The following CABIN1 variants were observed in gnomAD, a reference collection of about 807,000 sequenced individuals.
The protein encoded by CABIN1 is calcineurin-binding protein cabin-1.
A neutral mutation model predicts 227.7 loss-of-function variants in CABIN1; 133 were observed. The ratio of observed to expected loss-of-function variants is 0.58; its 90% CI spans 0.51 to 0.67. The LOEUF is 0.67. CABIN1 is among the 30% of genes least tolerant of loss of function. The pLI, the probability that CABIN1 is intolerant of heterozygous loss-of-function variation, is 0.00. For missense variants in CABIN1, 2,408 were observed against 2,852.5 expected, an observed-to-expected ratio of 0.84 and a Z score of 3.55; for synonymous variants, 1,086 against 1,155.1, an observed-to-expected ratio of 0.94 and a Z score of 1.21.
At chr22:24,057,990 T>C (rs2038927278) in intron 10 of CABIN1, among the ~76,000 whole-genome samples, 2 of 152,176 alleles carry the variant, frequency 1.3e-5, no homozygotes, top group Admixed American at 1.3e-4. Flanking sequence ...TTAATCTTCA[T>C]TTTAGTTGTT....
intron 15 of CABIN1, among the ~76,000 whole-genome samples, chr22:24,065,539 G>A (rs1323982504): frequency 2.6e-5 from 4 of 151,506 alleles, no homozygotes; most frequent in African/African-American, 9.7e-5. Context: ...CCAGGCAGAG[G>A]GGCTCCTCAC....
chr22:24,066,990 G>A lies in CABIN1; in HGVS notation c.2041G>A (p.Asp681Asn), dbSNP rs771922098. The A allele has an allele frequency of 6.2e-7, 1 of 1,614,160 alleles. No homozygotes were observed. The highest frequency in any genetic ancestry group is 8.5e-7 in the Non-Finnish European group (1 of 1,180,002). The part of the protein sequence containing the change: ...NDSVVSLEEI[D>N]KNLKSLERCQ... ...AGCATTGCCGGGCCTTTTTCAGATT[G>A]ATAAGAACCTGAAGTCGCTGGAGCG... Residue 681 changes from aspartate to asparagine, a missense_variant, in exon 16 of 37, where the codon GAT becomes AAT. By Grantham distance (23) the Asp-to-Asn change is conservative. Around this residue, in one of 3 missense-constraint regions of CABIN1, gnomAD observed 1,045 missense variants for 1,168.4 expected, o/e 0.89. Transcript: ENST00000263119.
intron 26 of CABIN1, among the ~76,000 whole-genome samples, chr22:24,109,228 T>TC (rs916426240): frequency 6.6e-6 from 1 of 151,912 alleles, no homozygotes; most frequent in African/African-American, 2.4e-5. Context: ...TTGCTTTTTT[T>TC]TTTTTTTTTA....
chr22:24,019,384 C>T (rs975743075), intron 1 of CABIN1, among the ~76,000 whole-genome samples: 1 of 151,486 alleles, frequency 6.6e-6, no homozygotes, highest in Non-Finnish European at 1.5e-5. Flanking sequence ...CCTGCCTTGG[C>T]CTCCCAAAGT....
intron 14 of CABIN1, among the ~76,000 whole-genome samples, chr22:24,063,347 C>G (rs771317974): frequency 6.6e-6 from 1 of 152,166 alleles, no homozygotes; most frequent in Non-Finnish European, 1.5e-5. Context: ...GCATCTCAGA[C>G]TTCCAAGCAT....
At chr22:24,084,083 T>TGGCTGG (rs1274250915) in intron 20 of CABIN1, among the ~76,000 whole-genome samples, 1 of 152,220 alleles carries the variant, frequency 6.6e-6, no homozygotes, top group Admixed American at 6.5e-5. Flanking sequence ...AGAGGGTCTG[T>TGGCTGG]GGCTGGCCCA....
chr22:24,154,805 G>C (rs1356563466), intron 29 of CABIN1, among the ~76,000 whole-genome samples: 1 of 152,174 alleles, frequency 6.6e-6, no homozygotes, highest in African/African-American at 2.4e-5. Context: ...TACCTGGAAG[G>C]GGCACAGAGT....
At chr22:24,026,779 T>G (rs1275602450) in intron 1 of CABIN1, among the ~76,000 whole-genome samples, 1 of 152,226 alleles carries the variant, frequency 6.6e-6, no homozygotes, top group Non-Finnish European at 1.5e-5. Flanking sequence ...GCTGCCTTGA[T>G]TATTACAGCT....
chr22:24,150,459 C>G (rs1302979642), intron 29 of CABIN1, among the ~76,000 whole-genome samples: 1 of 152,186 alleles, frequency 6.6e-6, no homozygotes, highest in Non-Finnish European at 1.5e-5. Context: ...GTGGGGAGGG[C>G]AGACTAGGCC....
At chr22:24,031,423 G>A (rs1488190450) in intron 1 of CABIN1, among the ~76,000 whole-genome samples, 2 of 152,134 alleles carry the variant, frequency 1.3e-5, no homozygotes, top group Admixed American at 6.5e-5. Flanking sequence ...AAAGGATCAG[G>A]GAGTCAAGTA....
At chr22:24,066,066 G>A (rs528355051) in intron 15 of CABIN1, among the ~76,000 whole-genome samples, 3 of 152,162 alleles carry the variant, frequency 2.0e-5, no homozygotes, top group South Asian at 2.1e-4. Flanking sequence ...GGGAGTGAAA[G>A]GTTTTAAATG....
chr22:24,094,823 CAAAAAAA>C (rs201624847), intron 24 of CABIN1, among the ~76,000 whole-genome samples: 17 of 78,380 alleles, frequency 2.2e-4, no homozygotes, highest in East Asian at 7.1e-4. Context: ...GACTCCGTCT[CAAAAAAA>C]AAAAAAAAAA....
At position 24,076,471 on chromosome 22, in the gene CABIN1, A is replaced by G. The variant is rs73401677; in HGVS notation, c.2748+187A>G. Among the ~76,000 whole-genome samples, 3,193 of 152,232 alleles carry G rather than the reference A, an allele frequency of 0.021. 129 individuals carry two copies. The highest frequency in any genetic ancestry group is 0.071 in the African/African-American group (2,964 of 41,514). Reference sequence around the variant, plus strand: ...TTACCGAAGCTTGTCAGAAAGTCTGATAAGACTTTCTTGCCAGAAAGTTCC... The same window carrying G: ...TTACCGAAGCTTGTCAGAAAGTCTGGTAAGACTTTCTTGCCAGAAAGTTCC... On this transcript the variant is annotated intron_variant, in intron 19 of 36. Coordinates refer to ENST00000263119, the MANE Select transcript of CABIN1 (RefSeq NM_012295.4).
intron 2 of CABIN1, 65 bp downstream of exon 2, chr22:24,035,585 C>T (rs751497544): frequency 1.9e-5 from 30 of 1,596,126 alleles, no homozygotes; most frequent in Non-Finnish European, 2.5e-5. Flanking sequence ...CTCCTGGGGG[C>T]GAGGGGCATT....
rs1231210083 is a variant in CABIN1, at chr22:24,084,731, G to T, written c.3063G>T (p.Arg1021Ser). The T allele has an allele frequency of 4.3e-6, 7 of 1,614,100 alleles. No individual in the cohort carries two copies. The highest frequency in any genetic ancestry group is 2.5e-6 in the Non-Finnish European group (3 of 1,180,050). Residue 1021 changes from arginine (R) to serine (S), a missense_variant, in exon 21 of 37, where the codon AGG becomes AGT. Transcript: ENST00000263119. ...CCACCATTGTGCCTCGCACAGAGAGGCCAGCCCTTAGCCTGGACAAAGTCT... is the reference window on the plus strand; with the variant it reads ...CCACCATTGTGCCTCGCACAGAGAGTCCAGCCCTTAGCCTGGACAAAGTCT... ...RIATIVPRTE[R>S]PALSLDKVSA...
intron 18 of CABIN1, among the ~76,000 whole-genome samples, chr22:24,073,021 A>G (rs1569169228): frequency 6.6e-6 from 1 of 152,210 alleles, no homozygotes; most frequent in Non-Finnish European, 1.5e-5. Flanking sequence ...TGAGGATGAA[A>G]TGAAATAATA....
chr22:24,113,287 C>T (rs2042904822), intron 26 of CABIN1, among the ~76,000 whole-genome samples: 1 of 152,218 alleles, frequency 6.6e-6, no homozygotes, highest in South Asian at 2.1e-4. Flanking sequence ...TTAATCAGGG[C>T]TTTCTTTTTC....
chr22:24,012,390 C>G (rs762126850), intron 1 of CABIN1, among the ~76,000 whole-genome samples: 3 of 152,046 alleles, frequency 2.0e-5, no homozygotes, highest in Non-Finnish European at 4.4e-5. Flanking sequence ...AAAGGGTGGG[C>G]TGGTTAGCTT....
At chr22:24,072,158 G>A (rs1251922773) in intron 17 of CABIN1, among the ~76,000 whole-genome samples, 196 bp from the exon 18 acceptor site, 2 of 152,348 alleles carry the variant, frequency 1.3e-5, no homozygotes, top group East Asian at 3.9e-4. Context: ...AGAGTAGTGT[G>A]ACTATCATTG....
Sources: gnomAD v4.1 joint callset for allele counts (sites outside exome capture counted in the v4.1 genomes callset) on GRCh38, gnomAD v4.1.1 for gene constraint, gnomAD v4.1.1 regional missense constraint, MANE v1.5 for transcripts, NCBI Gene and HGNC (gene_info 2026-07-23, HGNC 2026-07-21) for gene names.